Variants in NEMP2 observed in about 807,000 individuals in gnomAD.
NEMP2 encodes UPF0571 transmembrane protein.
Under a neutral mutation model 54.2 loss-of-function variants are expected in NEMP2, and 53 were observed. The observed-to-expected ratio is 0.98, with a 90% CI of 0.78 to 1.23. The LOEUF (loss-of-function observed/expected upper bound fraction) is 1.23. Among genes scored for constraint, NEMP2 ranks in the 50% most tolerant of loss-of-function variants. NEMP2 has a pLI of 0.00. For missense variants in NEMP2, 455 were observed against 511.3 expected, an observed-to-expected ratio of 0.89 and a Z score of 1.06; for synonymous variants, 197 against 190.3, an observed-to-expected ratio of 1.04 and a Z score of -0.29.
intron 7 of NEMP2, among the ~76,000 whole-genome samples, chr2:190,511,553 ATTTT>A (rs72470733): frequency 3.0e-4 from 40 of 133,676 alleles, no homozygotes; most frequent in South Asian, 2.4e-3. Flanking sequence ...ATTAAATTTA[ATTTT>A]TTTTTTTTTT....
At chr2:190,486,857 A>G in the NEMP2 span, among the ~76,000 whole-genome samples, 3 of 152,344 alleles carry the variant, frequency 2.0e-5, no homozygotes, top group African/African-American at 4.8e-5. Context: ...TTGTGACAAT[A>G]TCTGGTTTTT....
the NEMP2 span, among the ~76,000 whole-genome samples, chr2:190,556,910 T>G: frequency 1.3e-5 from 2 of 152,286 alleles, no homozygotes; most frequent in African/African-American, 4.8e-5. Context: ...CCAAAGTAAT[T>G]TATAGATTCA....
chr2:190,429,187 A>C, the NEMP2 span, among the ~76,000 whole-genome samples: 2 of 151,510 alleles, frequency 1.3e-5, no homozygotes, highest in African/African-American at 2.4e-5. Flanking sequence ...TATTGATTTT[A>C]AAGAATAAAT....
chr2:190,538,272 A>G (rs1192414343), upstream of NEMP2, among the ~76,000 whole-genome samples: 2 of 152,180 alleles, frequency 1.3e-5, no homozygotes. This position sits in a 1 kb window ranked among gnomAD's most constrained non-coding sequence, Gnocchi z 4.1. Flanking sequence ...AGTGACCTCC[A>G]GTTCCATCCA....
chr2:190,459,482 G>A, the NEMP2 span, among the ~76,000 whole-genome samples: 2 of 152,300 alleles, frequency 1.3e-5, no homozygotes, highest in Admixed American at 6.5e-5. The surrounding 1 kb of genome is among the most constrained non-coding windows in gnomAD (Gnocchi z 5.3). Context: ...TAGGGGGTGT[G>A]TGTGTGAATA....
At chr2:190,550,328 G>A in the NEMP2 span, among the ~76,000 whole-genome samples, 1 of 152,108 alleles carries the variant, frequency 6.6e-6, no homozygotes, top group Non-Finnish European at 1.5e-5. The surrounding 1 kb of genome is among the most constrained non-coding windows in gnomAD (Gnocchi z 4.7). Context: ...TGGTGGAATG[G>A]GTGAACAAGC....
At chr2:190,497,415 G>GT in the NEMP2 span, 1 of 1,603,734 alleles carries the variant, frequency 6.2e-7, no homozygotes, top group Non-Finnish European at 8.5e-7. The surrounding 1 kb of genome is among the most constrained non-coding windows in gnomAD (Gnocchi z 5.2). Context: ...TGAAAAAATA[G>GT]TTTAAACATT....
chr2:190,544,056 G>A, the NEMP2 span, among the ~76,000 whole-genome samples: 2 of 152,144 alleles, frequency 1.3e-5, no homozygotes, highest in African/African-American at 2.4e-5. Flanking sequence ...GAAAAATTTA[G>A]TCTGTTACTG....
At chr2:190,439,606 C>T in the NEMP2 span, among the ~76,000 whole-genome samples, 1 of 152,096 alleles carries the variant, frequency 6.6e-6, no homozygotes, top group African/African-American at 2.4e-5. This position sits in a 1 kb window ranked among gnomAD's most constrained non-coding sequence, Gnocchi z 5.8. Flanking sequence ...TGTTTCTTTC[C>T]TGTGTAGTAT....
rs1230080820 is a variant in NEMP2 at position 190,514,946 on chromosome 2, G to T, written c.728-268C>A. Among the ~76,000 whole-genome samples the T allele has an allele frequency of 2.0e-5, 3 of 152,114 alleles. No homozygotes were observed. The highest frequency in any genetic ancestry group is 6.5e-5 in the Admixed American group (1 of 15,274). ...TGTGTTTTAGTCCAGCACCCTGGCTGGACTAAAATGTTATCATGGTTACTT... is the reference window on the plus strand; with the variant it reads ...TGTGTTTTAGTCCAGCACCCTGGCTTGACTAAAATGTTATCATGGTTACTT... On this transcript the variant is annotated intron_variant, in intron 6 of 8. Transcript: ENST00000409150. This position sits in a 1 kb window ranked among gnomAD's most constrained non-coding sequence, Gnocchi z 5.7.
the NEMP2 span, among the ~76,000 whole-genome samples, chr2:190,598,170 C>T: frequency 6.6e-6 from 1 of 152,166 alleles, no homozygotes; most frequent in Non-Finnish European, 1.5e-5. Flanking sequence ...CATTTCCAGA[C>T]ATTGCCAAAT....
chr2:190,540,164 A>G, the NEMP2 span, among the ~76,000 whole-genome samples: 1 of 152,226 alleles, frequency 6.6e-6, no homozygotes, highest in African/African-American at 2.4e-5. Flanking sequence ...TCCAGCATGT[A>G]TTGGAACGAT....
the NEMP2 span, among the ~76,000 whole-genome samples, chr2:190,576,899 T>C: frequency 6.6e-6 from 1 of 152,232 alleles, no homozygotes; most frequent in Non-Finnish European, 1.5e-5. Flanking sequence ...CTTTTCTGTA[T>C]GCAACGAGCT....
the NEMP2 span, among the ~76,000 whole-genome samples, chr2:190,423,284 C>T: frequency 6.6e-6 from 1 of 152,314 alleles, no homozygotes; most frequent in East Asian, 1.9e-4. This position sits in a 1 kb window ranked among gnomAD's most constrained non-coding sequence, Gnocchi z 4.3. Flanking sequence ...CTCTACTTCC[C>T]TCCTGTCCCC....
chr2:190,551,071 A>G, the NEMP2 span, among the ~76,000 whole-genome samples: 1 of 135,490 alleles, frequency 7.4e-6, no homozygotes, highest in Non-Finnish European at 1.6e-5. Context: ...TTTTGACTTC[A>G]TAGCCAATGG....
At chr2:190,500,642 A>C (rs1689982091), downstream of NEMP2, 2 of 161,000 alleles carry the variant, frequency 1.2e-5, no homozygotes, top group Non-Finnish European at 2.7e-5. The surrounding 1 kb of genome is among the most constrained non-coding windows in gnomAD (Gnocchi z 5.3). Context: ...CTGGGAAGAG[A>C]TAGAATTCAT....
At position 190,527,398 on chromosome 2, in the gene NEMP2, G is replaced by C. The variant is rs551526274; in HGVS notation, c.98-2020C>G. Among the ~76,000 whole-genome samples the C allele has an allele frequency of 2.6e-5, 4 of 152,222 alleles. No individual in the cohort carries two copies. In the East Asian group the frequency reaches 5.8e-4, roughly 22 times the overall value. On this transcript the variant is annotated intron_variant, in intron 1 of 8. Transcript: ENST00000409150. This position sits in a 1 kb window ranked among gnomAD's most constrained non-coding sequence, Gnocchi z 4.0. The stretch of plus-strand genomic sequence containing the variant: ...TGGGGAAAGGATCCTGGGAATGCTC[G>C]CCATCTCCCAGAACACAACTCCATA...
At chr2:190,427,596 C>CT in the NEMP2 span, among the ~76,000 whole-genome samples, 13 of 152,182 alleles carry the variant, frequency 8.5e-5, 1 homozygote, top group African/African-American at 2.9e-4. Flanking sequence ...GCTGGTCTGC[C>CT]TTTTTTTGTC....
chr2:190,590,540 C>T, the NEMP2 span, among the ~76,000 whole-genome samples: 1 of 152,120 alleles, frequency 6.6e-6, no homozygotes, highest in East Asian at 1.9e-4. The surrounding 1 kb of genome is among the most constrained non-coding windows in gnomAD (Gnocchi z 5.1). Flanking sequence ...CTTCCCTCAC[C>T]TTCTCCTGAT....
Sources: allele counts gnomAD v4.1 joint callset (sites outside exome capture counted in the v4.1 genomes callset), GRCh38; gene constraint gnomAD v4.1.1; non-coding constraint Gnocchi (gnomAD v3.1); transcripts MANE v1.5; gene names NCBI Gene and HGNC (gene_info 2026-07-23, HGNC 2026-07-21).